Variants in KCNQ3 observed in about 807,000 individuals in gnomAD.
KCNQ3 encodes potassium voltage-gated channel subfamily KQT member 3.
Under a neutral mutation model 92.5 loss-of-function variants are expected in KCNQ3, and 30 were observed. The ratio of observed to expected loss-of-function variants is 0.32; its 90% CI spans 0.24 to 0.44. The LOEUF (loss-of-function observed/expected upper bound fraction) is 0.44. KCNQ3 is among the 20% of genes least tolerant of loss of function. KCNQ3 has a pLI of 1.00. For synonymous variants in KCNQ3, 450 were observed against 468.8 expected (o/e 0.96, Z 0.52); for missense variants, 913 against 1,140.3 (o/e 0.80, Z 2.87).
At chr8:132,180,081 A>T in intron 4 of KCNQ3, 76 bp downstream of exon 4, 7 of 1,505,894 alleles carry the variant, frequency 4.6e-6, no homozygotes, top group South Asian at 1.1e-5. Flanking sequence ...GGGACACTGC[A>T]AAGGAAGGGA....
At chr8:132,463,299 G>A (rs1429497799) in intron 1 of KCNQ3, among the ~76,000 whole-genome samples, 1 of 152,180 alleles carries the variant, frequency 6.6e-6, no homozygotes, top group Admixed American at 6.5e-5. Flanking sequence ...AAAACCTAGA[G>A]GAAGAAAGAA....
intron 1 of KCNQ3, among the ~76,000 whole-genome samples, chr8:132,431,996 A>G (rs1821263504): frequency 1.3e-5 from 2 of 152,198 alleles, no homozygotes; most frequent in South Asian, 4.1e-4. Flanking sequence ...GGCTTCTCCA[A>G]AGCAATTTAA....
intron 1 of KCNQ3, among the ~76,000 whole-genome samples, chr8:132,414,410 G>A (rs1820738015): frequency 6.6e-6 from 1 of 152,234 alleles, no homozygotes; most frequent in Non-Finnish European, 1.5e-5. Flanking sequence ...ACGTGGATCA[G>A]GCAGGATGAC....
intron 1 of KCNQ3, among the ~76,000 whole-genome samples, chr8:132,207,251 T>C (rs916317696): frequency 2.0e-5 from 3 of 152,194 alleles, no homozygotes; most frequent in Non-Finnish European, 4.4e-5. Context: ...GTGACATGAT[T>C]TTACACGATC....
chr8:132,359,394 A>C (rs1819103144), intron 1 of KCNQ3, among the ~76,000 whole-genome samples: 6 of 152,136 alleles, frequency 3.9e-5, no homozygotes. Context: ...TAGGCTTATC[A>C]TTCCTGAAGC....
intron 3 of KCNQ3, among the ~76,000 whole-genome samples, chr8:132,181,850 G>A (rs111326274): frequency 0.039 from 5,975 of 152,040 alleles, 391 homozygotes; most frequent in African/African-American, 0.13. Context: ...TCAGGAGATC[G>A]AGACCATCCT....
At chr8:132,438,498 A>G (rs1458839083) in intron 1 of KCNQ3, among the ~76,000 whole-genome samples, 1 of 152,180 alleles carries the variant, frequency 6.6e-6, no homozygotes, top group Admixed American at 6.5e-5. Context: ...GTGATGACCA[A>G]CAGGAGATGT....
At chr8:132,449,976 T>C (rs975305617) in intron 1 of KCNQ3, among the ~76,000 whole-genome samples, 1 of 152,200 alleles carries the variant, frequency 6.6e-6, no homozygotes, top group Non-Finnish European at 1.5e-5. Flanking sequence ...TGCCTTCCAC[T>C]GGGTTCACAG....
chr8:132,440,388 C>T (rs1821506188), intron 1 of KCNQ3, among the ~76,000 whole-genome samples: 1 of 152,192 alleles, frequency 6.6e-6, no homozygotes, highest in Non-Finnish European at 1.5e-5. Flanking sequence ...CAGGCGTCCC[C>T]TCATTTCCTG....
intron 1 of KCNQ3, among the ~76,000 whole-genome samples, chr8:132,407,130 A>AG: frequency 6.6e-6 from 1 of 152,298 alleles, no homozygotes; most frequent in East Asian, 1.9e-4. Flanking sequence ...AGGAAGAGAG[A>AG]GAAAAAGAGG....
chr8:132,184,450 A>G, intron 2 of KCNQ3, 83 bp from the exon 3 acceptor site: 2 of 1,549,008 alleles, frequency 1.3e-6, no homozygotes, highest in Non-Finnish European at 1.8e-6. Flanking sequence ...GGAAGTTCTG[A>G]AGAACTCCAT....
intron 1 of KCNQ3, among the ~76,000 whole-genome samples, chr8:132,422,618 C>A (rs538739150): frequency 4.0e-4 from 61 of 152,324 alleles, no homozygotes; most frequent in African/African-American, 1.3e-3. Flanking sequence ...CTTCCACCAG[C>A]TGCACCCGCC....
chr8:132,215,507 T>C (rs1813999407), intron 1 of KCNQ3, among the ~76,000 whole-genome samples: 1 of 152,254 alleles, frequency 6.6e-6, no homozygotes, highest in Non-Finnish European at 1.5e-5. Context: ...AAATGTGTTC[T>C]AAAACCTTGG....
chr8:132,203,945 A>G lies in KCNQ3; in HGVS notation c.387-17764T>C, dbSNP rs188795245. On this transcript the variant is annotated intron_variant, in intron 1 of 14. Transcript: ENST00000388996. Reference sequence around the variant, plus strand: ...ACAATACATTTGGATTTCGTCAAACATATATCTTTGGGGACCTCTACCAAG... The same window carrying G: ...ACAATACATTTGGATTTCGTCAAACGTATATCTTTGGGGACCTCTACCAAG... Among the ~76,000 whole-genome samples the G allele has an allele frequency of 2.0e-5, 3 of 152,342 alleles. No homozygotes were observed. The East Asian group carries it at 5.8e-4, about 29-fold the overall frequency.
At chr8:132,181,390 T>G (rs1826768859) in intron 3 of KCNQ3, among the ~76,000 whole-genome samples, 1 of 152,208 alleles carries the variant, frequency 6.6e-6, no homozygotes, top group African/African-American at 2.4e-5. Context: ...TTATTTTTAG[T>G]GTCACTAATT....
intron 1 of KCNQ3, among the ~76,000 whole-genome samples, chr8:132,350,090 T>C (rs1409016358): frequency 6.6e-6 from 1 of 152,126 alleles, no homozygotes; most frequent in Non-Finnish European, 1.5e-5. Flanking sequence ...GATACTGAAG[T>C]GTAAGGTGCC....
At chr8:132,447,508 A>G (rs1161958837) in intron 1 of KCNQ3, among the ~76,000 whole-genome samples, 1 of 152,192 alleles carries the variant, frequency 6.6e-6, no homozygotes, top group Non-Finnish European at 1.5e-5. Context: ...CAGGAGAAAG[A>G]AAAGTAATGG....
At chr8:132,471,981 T>A (rs1444563240) in intron 1 of KCNQ3, among the ~76,000 whole-genome samples, 1 of 152,172 alleles carries the variant, frequency 6.6e-6, no homozygotes, top group Non-Finnish European at 1.5e-5. Context: ...AAAGAAGACA[T>A]ATATATGGTC....
intron 1 of KCNQ3, among the ~76,000 whole-genome samples, chr8:132,346,013 A>T (rs1422362739): frequency 6.6e-6 from 1 of 151,914 alleles, no homozygotes; most frequent in Non-Finnish European, 1.5e-5. Flanking sequence ...GACAATGATG[A>T]TGATGGTGAT....
Sources: gnomAD v4.1 joint callset for allele counts (sites outside exome capture counted in the v4.1 genomes callset) on GRCh38, gnomAD v4.1.1 for gene constraint, MANE v1.5 for transcripts, NCBI Gene and HGNC (gene_info 2026-07-23, HGNC 2026-07-21) for gene names.